Variants in SWT1 observed in about 807,000 individuals in gnomAD.
SWT1 encodes SWT1 RNA endoribonuclease homolog, also known as transcriptional protein SWT1.
Under a neutral mutation model 107.3 loss-of-function variants are expected in SWT1, and 33 were observed. The ratio of observed to expected loss-of-function variants is 0.31; its 90% CI spans 0.23 to 0.41. The LOEUF is 0.41. Ranked by LOEUF, SWT1 falls within the 10% of genes least tolerant of loss-of-function variation. SWT1 has a pLI of 1.00. For missense variants in SWT1, 898 were observed against 1,028.9 expected (o/e 0.87, Z 1.74); for synonymous variants, 345 against 348.3 (o/e 0.99, Z 0.11).
At chr1:185,240,107 A>T (rs193160562) in intron 16 of SWT1, among the ~76,000 whole-genome samples, 1 of 152,150 alleles carries the variant, frequency 6.6e-6, no homozygotes, top group African/African-American at 2.4e-5. Flanking sequence ...GTTTCTGTGA[A>T]ATAGATGATG....
intron 16 of SWT1, among the ~76,000 whole-genome samples, chr1:185,261,173 C>T (rs1171227837): frequency 6.6e-6 from 1 of 152,032 alleles, no homozygotes; most frequent in African/African-American, 2.4e-5. Context: ...TATATTAACT[C>T]CCCAGTTTTC....
At chr1:185,232,165 A>T (rs1660554248) in intron 16 of SWT1, among the ~76,000 whole-genome samples, 1 of 152,224 alleles carries the variant, frequency 6.6e-6, no homozygotes, top group African/African-American at 2.4e-5. Context: ...TATAATAAAA[A>T]GTTATCTAAA....
At chr1:185,281,039 A>C (rs1210181758) in intron 18 of SWT1, 1 of 288,014 alleles carries the variant, frequency 3.5e-6, no homozygotes, top group African/African-American at 2.2e-5. Context: ...GTCCTTTTTT[A>C]TGAAGATGAC....
intron 3 of SWT1, 35 bp from the exon 4 acceptor site, chr1:185,168,305 G>C: frequency 1.6e-6 from 2 of 1,235,958 alleles, no homozygotes; most frequent in Non-Finnish European, 1.1e-6. Context: ...ATGTACCAGT[G>C]CACAATTTAT....
intron 18 of SWT1, among the ~76,000 whole-genome samples, chr1:185,285,360 C>T (rs915672344): frequency 6.6e-6 from 1 of 152,128 alleles, no homozygotes; most frequent in Non-Finnish European, 1.5e-5. Context: ...TGAATAAAAA[C>T]TTGATGGTTA....
chr1:185,264,204 C>T (rs1663226250), intron 16 of SWT1: 1 of 276,244 alleles, frequency 3.6e-6, no homozygotes, highest in African/African-American at 2.3e-5. Flanking sequence ...TTTTTTTTAA[C>T]CTTATTTACA....
chr1:185,266,627 G>T (rs960282383), intron 16 of SWT1: 1 of 147,850 alleles, frequency 6.8e-6, no homozygotes, highest in African/African-American at 2.5e-5. Flanking sequence ...ACTGGCATTT[G>T]GGGGAAAATT....
intron 16 of SWT1, chr1:185,258,032 C>T (rs1451581041): frequency 6.6e-6 from 1 of 151,932 alleles, no homozygotes; most frequent in Non-Finnish European, 1.5e-5. Flanking sequence ...TCCTCTTTAT[C>T]ATACTTTTTC....
intron 5 of SWT1, among the ~76,000 whole-genome samples, 170 bp from the exon 6 acceptor site, chr1:185,180,221 A>G (rs556974859): frequency 1.3e-3 from 199 of 152,262 alleles, no homozygotes; most frequent in African/African-American, 4.6e-3. Context: ...GGTGGGTAGT[A>G]CTACTGACAT....
intron 9 of SWT1, among the ~76,000 whole-genome samples, chr1:185,185,364 G>C (rs1002970535): frequency 2.0e-5 from 3 of 152,112 alleles, no homozygotes; most frequent in African/African-American, 7.2e-5. Context: ...TTACAATAAA[G>C]TAGTGTATAG....
chr1:185,248,788 A>G (rs1487887490), intron 16 of SWT1, among the ~76,000 whole-genome samples: 1 of 151,978 alleles, frequency 6.6e-6, no homozygotes, highest in African/African-American at 2.4e-5. Context: ...AAAAAAAAAA[A>G]AAAAAGACAA....
rs758174468 is a variant in SWT1 at position 185,184,300 on chromosome 1, A to G, written c.1196A>G (p.Asn399Ser). The G allele has an allele frequency of 2.5e-6, 4 of 1,574,652 alleles. No homozygotes were observed. The highest frequency in any genetic ancestry group is 2.3e-5 in the South Asian group (2 of 86,454). ...LIVIDTNILM[N>S]HLKFVRILKT... ...GTTATTGACACAAATATTCTGATGA[A>G]TCATCTCAAATTTGTTAGAATTTTG... The change falls in exon 8 of 19, where the codon AAT (asparagine) becomes AGT (serine). Residue 399 changes from asparagine (N) to serine (S), a missense_variant. Asn to Ser is a conservative substitution (Grantham distance 46). Coordinates refer to ENST00000367500, the MANE Select transcript of SWT1 (RefSeq NM_017673.7).
chr1:185,228,726 C>T (rs997043715), intron 15 of SWT1, among the ~76,000 whole-genome samples: 46 of 152,032 alleles, frequency 3.0e-4, no homozygotes, highest in Non-Finnish European at 1.5e-4. Flanking sequence ...AATAGTAACA[C>T]GGTTTTAGGG....
chr1:185,201,660 C>A (rs561082075), intron 10 of SWT1, among the ~76,000 whole-genome samples: 25 of 152,322 alleles, frequency 1.6e-4, no homozygotes, highest in African/African-American at 6.0e-4. Flanking sequence ...CTGCATTGAT[C>A]TAGCTGGGAG....
Position 185,204,734 on chromosome 1 carries a change from A to C in SWT1, c.1704A>C (p.Glu568Asp), listed in dbSNP as rs538311829. 5 of 1,592,216 alleles carry C rather than the reference A, an allele frequency of 3.1e-6. No homozygotes were observed. The South Asian group carries it at 5.8e-5, about 18-fold the overall frequency. ...CCTTGAAAGAGAGCTATAAGGAGGA[A>C]TCTACAAATTCTGGACTGTCCATTC... ...TTPLKESYKE[E>D]STNSGLSILL... Residue 568 changes from glutamate (E) to aspartate (D), a missense_variant, in exon 12 of 19, where the codon GAA becomes GAC. Around this residue, in one of 6 missense-constraint regions of SWT1, gnomAD observed 382 missense variants for 460.0 expected, o/e 0.83. Coordinates refer to ENST00000367500, the MANE Select transcript of SWT1 (RefSeq NM_017673.7).
intron 13 of SWT1, among the ~76,000 whole-genome samples, chr1:185,212,801 C>CT (rs1208691864): frequency 1.8e-5 from 2 of 111,696 alleles, no homozygotes; most frequent in African/African-American, 4.5e-5. Context: ...GAAACTCTGT[C>CT]TCAAAAAAAA....
Position 185,168,171 on chromosome 1 carries a change from G to A in SWT1, c.166-169G>A, listed in dbSNP as rs560308953. Among the ~76,000 whole-genome samples, 4 of 152,184 alleles carry A rather than the reference G, an allele frequency of 2.6e-5. No homozygotes were observed. In the South Asian group the frequency reaches 8.3e-4, roughly 32 times the overall value. The stretch of plus-strand genomic sequence containing the variant: ...CTTGCTCTGTGACTTTAAGGAAGAT[G>A]CCTACCTCTGTTTGAGTTTTGTGAA... On this transcript the variant is annotated intron_variant, in intron 3 of 18. Coordinates refer to ENST00000367500, the MANE Select transcript of SWT1 (RefSeq NM_017673.7).
intron 15 of SWT1, chr1:185,227,185 A>G (rs567162466): frequency 1.1e-6 from 1 of 913,210 alleles, no homozygotes; most frequent in Non-Finnish European, 1.8e-6. Context: ...TGAGGGATAG[A>G]CAAGCATCCA....
intron 17 of SWT1, among the ~76,000 whole-genome samples, chr1:185,275,668 A>T (rs1461044133): frequency 6.6e-6 from 1 of 151,902 alleles, no homozygotes; most frequent in African/African-American, 2.4e-5. Context: ...TACAGGCATG[A>T]GCTGTTGCAC....
Sources: allele counts gnomAD v4.1 joint callset (sites outside exome capture counted in the v4.1 genomes callset), GRCh38; gene constraint gnomAD v4.1.1; regional missense constraint gnomAD v4.1.1; transcripts MANE v1.5; gene names NCBI Gene and HGNC (gene_info 2026-07-23, HGNC 2026-07-21).